Variants in GALNTL6 observed in about 807,000 individuals in gnomAD.
The protein encoded by GALNTL6 is polypeptide N-acetylgalactosaminyltransferase like 6, also known as polypeptide N-acetylgalactosaminyltransferase-like 6.
In GALNTL6, 46 loss-of-function variants were observed where a neutral mutation model predicts 73.7. That is an observed-to-expected ratio of 0.62 (90% CI 0.49 to 0.80). The LOEUF is 0.80. Among genes scored for constraint, GALNTL6 ranks in the 30% least tolerant of loss-of-function variants. The pLI, the probability that GALNTL6 is intolerant of heterozygous loss-of-function variation, is 0.00. For synonymous variants in GALNTL6, 259 were observed against 263.7 expected (o/e 0.98, Z 0.17); for missense variants, 604 against 755.0 (o/e 0.80, Z 2.34).
At chr4:172,084,074 G>C (rs1731959043) in intron 2 of GALNTL6, among the ~76,000 whole-genome samples, 1 of 152,148 alleles carries the variant, frequency 6.6e-6, no homozygotes, top group South Asian at 2.1e-4. Context: ...GAAACAAGAG[G>C]AAGTTTGAAG....
intron 8 of GALNTL6, among the ~76,000 whole-genome samples, chr4:172,918,218 A>G (rs920967475): frequency 6.6e-6 from 1 of 152,076 alleles, no homozygotes; most frequent in African/African-American, 2.4e-5. Context: ...AGTGGGGAAC[A>G]TCACACATTG....
chr4:172,586,670 C>G (rs1210376089), intron 5 of GALNTL6, among the ~76,000 whole-genome samples: 2 of 152,142 alleles, frequency 1.3e-5, no homozygotes, highest in Admixed American at 6.5e-5. Flanking sequence ...CTAATTCATT[C>G]TAAATTCTTG....
intron 5 of GALNTL6, among the ~76,000 whole-genome samples, chr4:172,579,302 A>G (rs570780758): frequency 6.6e-6 from 1 of 152,292 alleles, no homozygotes; most frequent in African/African-American, 2.4e-5. Context: ...CGCAACAAGT[A>G]TTTTTGCCCT....
At chr4:172,388,065 G>T (rs139480736) in intron 5 of GALNTL6, among the ~76,000 whole-genome samples, 1 of 152,052 alleles carries the variant, frequency 6.6e-6, no homozygotes, top group Non-Finnish European at 1.5e-5. Context: ...GCACCATTTT[G>T]ATGTGCTCTG....
intron 8 of GALNTL6, among the ~76,000 whole-genome samples, chr4:172,923,106 G>A (rs1384144629): frequency 6.6e-6 from 1 of 152,178 alleles, no homozygotes; most frequent in Non-Finnish European, 1.5e-5. Flanking sequence ...GATGTAGCTA[G>A]GTGTGTGCTG....
At chr4:172,232,385 G>A (rs1162303031) in intron 3 of GALNTL6, among the ~76,000 whole-genome samples, 1 of 150,868 alleles carries the variant, frequency 6.6e-6, no homozygotes, top group Admixed American at 6.6e-5. Flanking sequence ...GATTTATCTA[G>A]GTCAATGTGT....
intron 7 of GALNTL6, among the ~76,000 whole-genome samples, chr4:172,819,477 C>A (rs949596435): frequency 2.0e-5 from 3 of 152,070 alleles, no homozygotes; most frequent in African/African-American, 7.2e-5. Context: ...AAAAAGGAAA[C>A]CTAAGCTATA....
chr4:172,384,108 A>G (rs1743380330), intron 5 of GALNTL6, among the ~76,000 whole-genome samples: 1 of 152,110 alleles, frequency 6.6e-6, no homozygotes, highest in African/African-American at 2.4e-5. Flanking sequence ...TATCAAGGTA[A>G]TACACAGAAT....
At chr4:172,934,576 T>G (rs145906524) in intron 9 of GALNTL6, among the ~76,000 whole-genome samples, 1 of 152,326 alleles carries the variant, frequency 6.6e-6, no homozygotes, top group African/African-American at 2.4e-5. Context: ...AATAAGCGTA[T>G]TCACTTGACA....
intron 10 of GALNTL6, among the ~76,000 whole-genome samples, chr4:172,989,983 A>C (rs1236249198): frequency 2.0e-5 from 3 of 152,152 alleles, no homozygotes; most frequent in Non-Finnish European, 4.4e-5. Context: ...TGATTGGATG[A>C]ATATCTCTCC....
intron 2 of GALNTL6, among the ~76,000 whole-genome samples, chr4:172,051,774 G>A (rs538053526): frequency 6.6e-6 from 1 of 152,236 alleles, no homozygotes; most frequent in Admixed American, 6.5e-5. Flanking sequence ...TAGGGCCATG[G>A]GTTTCCAGGC....
intron 10 of GALNTL6, among the ~76,000 whole-genome samples, chr4:172,963,849 A>G (rs1010880801): frequency 5.9e-5 from 9 of 152,236 alleles, no homozygotes; most frequent in Admixed American, 5.9e-4. Flanking sequence ...TATGGGGAAG[A>G]AGGAGAAACT....
chr4:171,875,823 C>T (rs1008531202), intron 2 of GALNTL6, among the ~76,000 whole-genome samples: 9 of 150,256 alleles, frequency 6.0e-5, no homozygotes, highest in Non-Finnish European at 1.2e-4. Flanking sequence ...AGAGCTTCCT[C>T]CCCCAGGTGC....
chr4:172,887,618 C>T (rs1305344972), intron 8 of GALNTL6, among the ~76,000 whole-genome samples: 1 of 151,712 alleles, frequency 6.6e-6, no homozygotes, highest in Non-Finnish European at 1.5e-5. Flanking sequence ...GGCTGGAGTG[C>T]TGTGGTGCAA....
intron 5 of GALNTL6, among the ~76,000 whole-genome samples, chr4:172,710,723 G>A (rs1026895721): frequency 1.3e-5 from 2 of 152,008 alleles, no homozygotes; most frequent in African/African-American, 4.8e-5. Context: ...GGACCCACTT[G>A]ATATGTAATT....
At chr4:172,693,483 C>T (rs1332922747) in intron 5 of GALNTL6, among the ~76,000 whole-genome samples, 1 of 152,200 alleles carries the variant, frequency 6.6e-6, no homozygotes, top group African/African-American at 2.4e-5. Flanking sequence ...CCACAGCCCT[C>T]ATCAATATAT....
intron 2 of GALNTL6, among the ~76,000 whole-genome samples, chr4:172,137,060 A>G (rs1374003330): frequency 1.3e-5 from 2 of 152,130 alleles, no homozygotes; most frequent in African/African-American, 4.8e-5. Context: ...AGAAGTCTTT[A>G]TATGATCCAT....
At chr4:171,947,161 C>T (rs1462004605) in intron 2 of GALNTL6, among the ~76,000 whole-genome samples, 1 of 152,076 alleles carries the variant, frequency 6.6e-6, no homozygotes, top group East Asian at 1.9e-4. Flanking sequence ...TCTCTTTCCG[C>T]ATGTATTTAA....
chr4:172,603,101 T>G (rs563936604), intron 5 of GALNTL6, among the ~76,000 whole-genome samples: 1 of 152,278 alleles, frequency 6.6e-6, no homozygotes, highest in African/African-American at 2.4e-5. Flanking sequence ...GCAGGATTGT[T>G]GATGGCAAAG....
Sources: allele counts gnomAD v4.1 joint callset (sites outside exome capture counted in the v4.1 genomes callset), GRCh38; gene constraint gnomAD v4.1.1; transcripts MANE v1.5; gene names NCBI Gene and HGNC (gene_info 2026-07-23, HGNC 2026-07-21).